HFM1: variants seen among roughly 807,000 people sequenced by gnomAD.
The protein encoded by HFM1 is helicase for meiosis 1.
HFM1 carries 169 observed loss-of-function variants against 192.1 expected under a neutral mutation model. The ratio of observed to expected loss-of-function variants is 0.88; its 90% CI spans 0.78 to 1.00. The LOEUF is 1.00. HFM1 is among the 50% of genes least tolerant of loss of function. HFM1 has a pLI of 0.00. For synonymous variants in HFM1, 525 were observed against 537.8 expected (o/e 0.98, Z 0.33); for missense variants, 1,661 against 1,668.0 (o/e 1.00, Z 0.07).
At chr1:91,378,763 C>T (rs1369707865) in intron 9 of HFM1, among the ~76,000 whole-genome samples, 1 of 151,814 alleles carries the variant, frequency 6.6e-6, no homozygotes, top group East Asian at 1.9e-4. Context: ...TACCAAGGAC[C>T]TCCCTCTATA....
intron 25 of HFM1, among the ~76,000 whole-genome samples, chr1:91,317,562 C>T (rs1651444950): frequency 6.6e-6 from 1 of 152,128 alleles, no homozygotes; most frequent in South Asian, 2.1e-4. Context: ...AGACACGGAA[C>T]AGTATAAAAT....
chr1:91,311,801 C>T (rs566245038), intron 30 of HFM1, among the ~76,000 whole-genome samples: 9 of 152,276 alleles, frequency 5.9e-5, no homozygotes, highest in South Asian at 4.1e-4. Context: ...CAGATGTTTA[C>T]GGCAGCCCCT....
intron 34 of HFM1, 78 bp from the exon 35 acceptor site, chr1:91,267,933 A>G: frequency 1.3e-6 from 1 of 759,098 alleles, no homozygotes; most frequent in Non-Finnish European, 2.2e-6. Context: ...GTTGAAGAAC[A>G]CTGTTTGAGA....
intron 30 of HFM1, among the ~76,000 whole-genome samples, chr1:91,283,084 T>C (rs886350958): frequency 1.3e-5 from 2 of 152,204 alleles, no homozygotes; most frequent in African/African-American, 4.8e-5. Context: ...GAAATCTTTT[T>C]GCTGTATTTT....
At chr1:91,266,548 C>G (rs924670761) in intron 35 of HFM1, among the ~76,000 whole-genome samples, 3 of 152,148 alleles carry the variant, frequency 2.0e-5, no homozygotes, top group Non-Finnish European at 2.9e-5. Flanking sequence ...TGCACTCACT[C>G]TCGTTATTTA....
chr1:91,348,785 G>A (rs1292030115), intron 18 of HFM1, among the ~76,000 whole-genome samples: 1 of 151,928 alleles, frequency 6.6e-6, no homozygotes, highest in South Asian at 2.1e-4. Context: ...TTAGCCAGGT[G>A]TGCTGGCATG....
intron 28 of HFM1, among the ~76,000 whole-genome samples, chr1:91,315,106 A>G (rs1346517803): frequency 6.6e-6 from 1 of 152,226 alleles, no homozygotes; most frequent in African/African-American, 2.4e-5. Context: ...GACCATGATT[A>G]AGGTTTGGTT....
chr1:91,404,608 G>T (rs953163650), intron 1 of HFM1, 190 bp downstream of exon 1: 3 of 263,938 alleles, frequency 1.1e-5, no homozygotes, highest in Non-Finnish European at 2.2e-5. Flanking sequence ...TGCGGCTGAG[G>T]CGCTGGCGCG....
intron 30 of HFM1, among the ~76,000 whole-genome samples, chr1:91,303,843 T>C (rs1649204114): frequency 6.6e-6 from 1 of 152,124 alleles, no homozygotes; most frequent in African/African-American, 2.4e-5. Flanking sequence ...CCTTGACTAG[T>C]TTTATTTTTA....
In HFM1 at chr1:91,293,705, A is replaced by G. The variant is rs201707346; in HGVS notation, c.3392-16643T>C. On this transcript the variant is annotated intron_variant, in intron 30 of 38. Coordinates refer to ENST00000370425, the MANE Select transcript of HFM1 (RefSeq NM_001017975.6). ...CCAGCCATCCCCTTACTAGGTATATACCCAAAGGACTATAAATCATGCTGC... is the reference window on the plus strand; with the variant it reads ...CCAGCCATCCCCTTACTAGGTATATGCCCAAAGGACTATAAATCATGCTGC... Among the ~76,000 whole-genome samples the G allele has an allele frequency of 3.3e-5, 5 of 151,714 alleles. No homozygotes were observed. The South Asian group carries it at 1.1e-3, about 32-fold the overall frequency.
chr1:91,384,449 A>G lies in HFM1; in HGVS notation c.802+738T>C, dbSNP rs1027818382. 2.0e-5 allele frequency among the ~76,000 whole-genome samples: 3 copies of G among 152,176 alleles called. No homozygotes were observed. In the South Asian group the frequency reaches 6.2e-4, roughly 32 times the overall value. ...GGAAATGTCCAGACATGAAAATTGG[A>G]TTCTAGGTATAAACTCCAAATTAGA... is the stretch of plus-strand genomic sequence containing the variant. On this transcript the variant is annotated intron_variant, in intron 6 of 38. Coordinates refer to ENST00000370425, the MANE Select transcript of HFM1 (RefSeq NM_001017975.6).
At chr1:91,299,311 T>C (rs1250161767) in intron 30 of HFM1, among the ~76,000 whole-genome samples, 3 of 152,080 alleles carry the variant, frequency 2.0e-5, no homozygotes, top group Non-Finnish European at 4.4e-5. Context: ...ACAAAGAGAC[T>C]TAGACTCCCA....
intron 28 of HFM1, among the ~76,000 whole-genome samples, chr1:91,314,347 A>G (rs1441004717): frequency 6.6e-6 from 1 of 152,198 alleles, no homozygotes; most frequent in Non-Finnish European, 1.5e-5. Flanking sequence ...ACAAACTCCT[A>G]GGCTCAGGCA....
intron 23 of HFM1, 39 bp from the exon 24 acceptor site, chr1:91,319,429 G>A (rs764716114): frequency 3.3e-5 from 41 of 1,254,614 alleles, no homozygotes; most frequent in Non-Finnish European, 4.7e-5. Flanking sequence ...CCTTTTAAGG[G>A]TTATCTATCT....
chr1:91,282,324 T>A (rs1489678668), intron 30 of HFM1, among the ~76,000 whole-genome samples: 3 of 152,162 alleles, frequency 2.0e-5, no homozygotes, highest in African/African-American at 7.2e-5. Flanking sequence ...TTGCTCTGGT[T>A]CTTTTTATTT....
At chr1:91,323,906 A>G (rs1418892329) in intron 21 of HFM1, among the ~76,000 whole-genome samples, 1 of 152,200 alleles carries the variant, frequency 6.6e-6, no homozygotes, top group Non-Finnish European at 1.5e-5. Flanking sequence ...CATAACTGGA[A>G]TTCTACTGTG....
intron 23 of HFM1, 54 bp downstream of exon 23, chr1:91,322,894 TAA>T (rs1279478531): frequency 7.4e-6 from 6 of 816,122 alleles, no homozygotes; most frequent in Non-Finnish European, 1.1e-5. Context: ...AAAAACAAAT[TAA>T]AAATGTTTTA....
At chr1:91,361,267 A>G (rs140970056) in intron 13 of HFM1, among the ~76,000 whole-genome samples, 2 of 152,110 alleles carry the variant, frequency 1.3e-5, no homozygotes, top group African/African-American at 4.8e-5. Flanking sequence ...TCCAGGAGCT[A>G]GTTTTTTGAA....
At chr1:91,297,953 T>G (rs6671415) in intron 30 of HFM1, among the ~76,000 whole-genome samples, 45,581 of 152,008 alleles carry the variant, frequency 0.3, 7,101 homozygotes, top group Non-Finnish European at 0.34. Flanking sequence ...ATGACTTTGA[T>G]GAGTTGAGAG....
Sources: allele counts gnomAD v4.1 joint callset (sites outside exome capture counted in the v4.1 genomes callset), GRCh38; gene constraint gnomAD v4.1.1; transcripts MANE v1.5; gene names NCBI Gene and HGNC (gene_info 2026-07-23, HGNC 2026-07-21).